KIF21A: variants seen among roughly 807,000 people sequenced by gnomAD.
The protein encoded by KIF21A is kinesin family member 21A.
In KIF21A, 114 loss-of-function variants were observed where a neutral mutation model predicts 202.9. The ratio of observed to expected loss-of-function variants is 0.56; its 90% CI spans 0.48 to 0.66. KIF21A has a LOEUF of 0.66. Among genes scored for constraint, KIF21A ranks in the 30% least tolerant of loss-of-function variants. The pLI is 0.00. For synonymous variants in KIF21A, 667 were observed against 670.8 expected, an observed-to-expected ratio of 0.99 and a Z score of 0.09; for missense variants, 1,677 against 1,994.9, an observed-to-expected ratio of 0.84 and a Z score of 3.04.
At chr12:39,357,908 C>CAAAAAAAAAAAAAAAAAAAAAAAA (rs56035929) in intron 8 of KIF21A, among the ~76,000 whole-genome samples, 1 of 36,682 alleles carries the variant, frequency 2.7e-5, no homozygotes, top group Non-Finnish European at 4.7e-5. Flanking sequence ...GACTCCATCT[C>CAAAAAAAAAAAAAAAAAAAAAAAA]AAAAAAAAAA....
chr12:39,358,021 A>G (rs1175631899), intron 8 of KIF21A, among the ~76,000 whole-genome samples, 157 bp downstream of exon 8: 1 of 150,944 alleles, frequency 6.6e-6, no homozygotes, highest in Non-Finnish European at 1.5e-5. Flanking sequence ...AAGACTGTCC[A>G]CAAGGAAAAC....
chr12:39,388,687 T>C (rs936042767), intron 1 of KIF21A, among the ~76,000 whole-genome samples: 4 of 152,198 alleles, frequency 2.6e-5, no homozygotes, highest in East Asian at 1.9e-4. Flanking sequence ...AACTTACACA[T>C]GCTTATAAAA....
intron 19 of KIF21A, 24 bp from the exon 20 acceptor site, chr12:39,332,768 G>C (rs758917964): frequency 6.2e-7 from 1 of 1,612,964 alleles, no homozygotes; most frequent in Non-Finnish European, 8.5e-7. Context: ...AAACAGACAA[G>C]CTCAATTACT....
chr12:39,332,950 A>G lies in KIF21A; in HGVS notation c.2645T>C (p.Met882Thr). The G allele has an allele frequency of 6.2e-7, 1 of 1,613,906 alleles. No individual in the cohort carries two copies. ...CTGGACTCTCGCCACAGGAATTCTCATTTTCTGCTGGGCTCCTGTCCTTGA... is the reference window on the plus strand; with the variant it reads ...CTGGACTCTCGCCACAGGAATTCTCGTTTTCTGCTGGGCTCCTGTCCTTGA... Reference protein sequence around the residue: ...DASRTGAQQKMRIPVARVQAL... With the variant: ...DASRTGAQQKTRIPVARVQAL... Residue 882 changes from methionine to threonine, a missense_variant, in exon 19 of 38, where the codon ATG becomes ACG. Met to Thr is a moderately conservative substitution (Grantham distance 81). Transcript: ENST00000361418.
At chr12:39,419,994 G>A (rs1332524638) in intron 1 of KIF21A, among the ~76,000 whole-genome samples, 8 of 148,484 alleles carry the variant, frequency 5.4e-5, no homozygotes, top group Admixed American at 4.8e-4. Flanking sequence ...AATCTGATGT[G>A]TCCTCTGGAG....
In KIF21A at chr12:39,340,925, G is replaced by A; in HGVS notation, c.2091C>T (p.Asp697=). The A allele has an allele frequency of 3.7e-6, 6 of 1,610,884 alleles. No homozygotes were observed. The highest frequency in any genetic ancestry group is 5.1e-6 in the Non-Finnish European group (6 of 1,177,586). Residue 697 remains aspartate, a synonymous_variant, in exon 15 of 38, where the codon GAC becomes GAT. Transcript: ENST00000361418. ...HKIRDTQLER[D]QVLQNLGSVE... ...TCTTACCTAAGTTTTGAAGCACCTG[G>A]TCTCTTTCAAGCTGAGTATCCCGAA...
At chr12:39,315,400 T>C (rs1052465890) in intron 30 of KIF21A, among the ~76,000 whole-genome samples, 160 bp from the exon 31 acceptor site, 2 of 152,034 alleles carry the variant, frequency 1.3e-5, no homozygotes, top group African/African-American at 2.4e-5. Flanking sequence ...ATAACAGTTA[T>C]TTTTAAAGCT....
intron 1 of KIF21A, among the ~76,000 whole-genome samples, chr12:39,427,806 C>A (rs1279037461): frequency 6.6e-6 from 1 of 152,108 alleles, no homozygotes; most frequent in African/African-American, 2.4e-5. Context: ...TTACAGGTGC[C>A]TGCCACCACA....
At chr12:39,433,203 G>T (rs1938201030) in intron 1 of KIF21A, among the ~76,000 whole-genome samples, 1 of 146,604 alleles carries the variant, frequency 6.8e-6, no homozygotes, top group Non-Finnish European at 1.5e-5. Context: ...GAGATCATTA[G>T]ACAGGCTTAC....
intron 19 of KIF21A, 21 bp from the exon 20 acceptor site, chr12:39,332,765 CA>C: frequency 6.2e-7 from 1 of 1,613,556 alleles, no homozygotes. Context: ...ATAAAACAGA[CA>C]AGCTCAATTA....
Position 39,301,330 on chromosome 12 carries a change from C to G in KIF21A, c.4931+150G>C, listed in dbSNP as rs1913189. On this transcript the variant is annotated intron_variant, in intron 37 of 37. Transcript: ENST00000361418. ...CTAAATTCAGTGCCCACATGTACAT[C>G]AGAAAATATGAATAAGACATCTTAA... The G allele has an allele frequency of 1.1e-3, 810 of 757,258 alleles. 5 individuals carry two copies. The African/African-American group carries it at 0.013, about 12-fold the overall frequency. The allele number at this position is 757,258 out of a possible 1,614,324, so 46.9% of individuals were successfully genotyped here. A position where few individuals can be genotyped will look rare whatever the true frequency, so the allele number is the denominator to read the frequency against.
In KIF21A at chr12:39,330,811, T is replaced by C. The variant is rs1592185504; in HGVS notation, c.3254A>G (p.His1085Arg). Residue 1085 changes from histidine (H) to arginine (R), a missense_variant, in exon 23 of 38, where the codon CAT becomes CGT. By Grantham distance (29) the His-to-Arg change is conservative. Coordinates refer to ENST00000361418, the MANE Select transcript of KIF21A (RefSeq NM_001173464.2). The stretch of plus-strand genomic sequence containing the variant: ...TAATTCTGCCTTCTCTTTCAACATA[T>C]GGAATAAGAGCTGGTTTTGGGTAGC... ...TSATQNQLLFHMLKEKAELNP... is the reference protein window; with the variant it reads ...TSATQNQLLFRMLKEKAELNP... 1 of 1,613,992 alleles carries C rather than the reference T, an allele frequency of 6.2e-7. No individual in the cohort carries two copies. Among genetic ancestry groups the C allele is most frequent in the Non-Finnish European group, 8.5e-7 (1 of 1,179,888 alleles).
intron 31 of KIF21A, among the ~76,000 whole-genome samples, chr12:39,313,493 C>T (rs1422607496): frequency 6.6e-6 from 1 of 151,756 alleles, no homozygotes; most frequent in African/African-American, 2.4e-5. Context: ...TAAATGATAT[C>T]CTTGTGGACA....
At chr12:39,388,765 A>G (rs1951133541) in intron 1 of KIF21A, among the ~76,000 whole-genome samples, 1 of 152,232 alleles carries the variant, frequency 6.6e-6, no homozygotes, top group South Asian at 2.1e-4. Context: ...ATCCTATTCC[A>G]ACTAAACTTC....
intron 13 of KIF21A, 91 bp downstream of exon 13, chr12:39,341,943 A>G (rs1947479413): frequency 2.3e-6 from 2 of 859,734 alleles, no homozygotes; most frequent in African/African-American, 3.3e-5. Context: ...TAAGCAGTTC[A>G]CTTTTCTACA....
chr12:39,443,044 T>A lies in KIF21A; in HGVS notation c.-74A>T. The A allele has an allele frequency of 1.4e-6, 2 of 1,455,788 alleles. No individual in the cohort carries two copies. The highest frequency in any genetic ancestry group is 1.8e-6 in the Non-Finnish European group (2 of 1,100,254). 90.2% of individuals were successfully genotyped at this position (1,455,788 alleles called of 1,614,324 possible). A position where few individuals can be genotyped will look rare whatever the true frequency, so the allele number is the denominator to read the frequency against. ...TGAGGCGCCACTGGGGCCGCGGGAC[T>A]CGGGCGCAGTAGGCTGGGGCGTCTG... On this transcript the variant is annotated 5_prime_UTR_variant, in exon 1 of 38. Coordinates refer to ENST00000361418, the MANE Select transcript of KIF21A (RefSeq NM_001173464.2).
chr12:39,348,745 C>G (rs1948113858), intron 11 of KIF21A, among the ~76,000 whole-genome samples: 1 of 151,660 alleles, frequency 6.6e-6, no homozygotes, highest in African/African-American at 2.4e-5. Context: ...TCAAACAAGC[C>G]CCAGACAGGT....
intron 22 of KIF21A, 26 bp from the exon 23 acceptor site, chr12:39,330,937 A>C: frequency 6.2e-7 from 1 of 1,612,222 alleles, no homozygotes; most frequent in Non-Finnish European, 8.5e-7. Context: ...AAATTATCTT[A>C]GGTCATACGA....
intron 1 of KIF21A, among the ~76,000 whole-genome samples, chr12:39,380,637 G>A (rs115923031): frequency 0.041 from 6,278 of 151,808 alleles, 431 homozygotes; most frequent in African/African-American, 0.14. Flanking sequence ...GGAGAGGACC[G>A]CTTGATCCCA....
Sources: allele counts gnomAD v4.1 joint callset (sites outside exome capture counted in the v4.1 genomes callset), GRCh38; gene constraint gnomAD v4.1.1; transcripts MANE v1.5; gene names NCBI Gene and HGNC (gene_info 2026-07-23, HGNC 2026-07-21).